The following MIS18A variants were observed in gnomAD, a reference collection of about 807,000 sequenced individuals.
MIS18A encodes the protein MIS18 kinetochore protein A.
In MIS18A, 14 loss-of-function variants were observed where a neutral mutation model predicts 25.0. The ratio of observed to expected loss-of-function variants is 0.56; its 90% CI spans 0.37 to 0.88. The LOEUF is 0.88. Ranked by LOEUF, MIS18A falls within the 40% of genes least tolerant of loss-of-function variation. The probability of loss-of-function intolerance (pLI) is 0.00; values close to 1 mark genes in which losing one functional copy is unlikely to be tolerated. For synonymous variants in MIS18A, 134 were observed against 118.6 expected (o/e 1.13, Z -0.84); for missense variants, 292 against 290.8 (o/e 1.00, Z -0.03).
At chr21:32,273,495 A>G (rs1569015104) in intron 2 of MIS18A, among the ~76,000 whole-genome samples, 1 of 152,140 alleles carries the variant, frequency 6.6e-6, no homozygotes, top group African/African-American at 2.4e-5. Context: ...AGAGATTCCA[A>G]GCATCTTAGA....
the MIS18A span, among the ~76,000 whole-genome samples, chr21:32,155,954 A>G: frequency 1.3e-5 from 2 of 150,512 alleles, no homozygotes; most frequent in Non-Finnish European, 2.9e-5. Flanking sequence ...ATTGTTAGGA[A>G]AAAAAAAACT....
the MIS18A span, among the ~76,000 whole-genome samples, chr21:32,156,129 A>G: frequency 2.6e-5 from 4 of 152,172 alleles, no homozygotes; most frequent in Non-Finnish European, 5.9e-5. Flanking sequence ...TTTGAAAACG[A>G]GATGTTTGCT....
chr21:32,168,214 T>C, the MIS18A span, among the ~76,000 whole-genome samples: 1 of 152,230 alleles, frequency 6.6e-6, no homozygotes, highest in South Asian at 2.1e-4. Flanking sequence ...CTTGATCTCA[T>C]ACTTGCTGGC....
chr21:32,221,021 T>C, the MIS18A span, among the ~76,000 whole-genome samples: 1 of 151,994 alleles, frequency 6.6e-6, no homozygotes, highest in East Asian at 1.9e-4. Context: ...TACCTGAAAG[T>C]GATGGGGAGA....
At chr21:32,226,207 C>A in the MIS18A span, among the ~76,000 whole-genome samples, 1 of 143,516 alleles carries the variant, frequency 7.0e-6, no homozygotes, top group East Asian at 2.0e-4. Context: ...GTGCAGCACA[C>A]CAGCATGGCA....
the MIS18A span, among the ~76,000 whole-genome samples, chr21:32,229,012 C>T: frequency 6.6e-6 from 1 of 152,038 alleles, no homozygotes; most frequent in Non-Finnish European, 1.5e-5. Context: ...CACAAGCAAT[C>T]TAGTTTTTTT....
chr21:32,242,836 T>C, the MIS18A span, among the ~76,000 whole-genome samples: 1 of 152,160 alleles, frequency 6.6e-6, no homozygotes, highest in Non-Finnish European at 1.5e-5. Flanking sequence ...CTGGTAATGT[T>C]TTAAAACACT....
At chr21:32,263,806 TC>T (rs1395624343), downstream of MIS18A, among the ~76,000 whole-genome samples, 5 of 149,366 alleles carry the variant, frequency 3.3e-5, no homozygotes, top group Non-Finnish European at 5.9e-5. Flanking sequence ...GGGGAAGCCT[TC>T]TTTTTTTTTT....
Position 32,278,800 on chromosome 21 carries a change from T to G in MIS18A, c.215A>C (p.Glu72Ala), listed in dbSNP as rs980253859. The part of the protein sequence containing the change: ...ADMERAQLEE[E>A]AAAAEERPLV... ...CGGCCTCTCCTCCGCAGCCGCCGCC[T>G]CCTCCTCCAGCTGCGCCCTCTCCAT... The change falls in exon 1 of 5, where the codon GAG (glutamate) becomes GCG (alanine). Residue 72 changes from glutamate (E) to alanine (A), a missense_variant. Coordinates refer to ENST00000290130, the MANE Select transcript of MIS18A (RefSeq NM_018944.3). 32 of 1,589,702 alleles carry G rather than the reference T, an allele frequency of 2.0e-5. No individual in the cohort carries two copies. Among genetic ancestry groups the G allele is most frequent in the Non-Finnish European group, 2.4e-5 (28 of 1,171,228 alleles).
chr21:32,205,097 CTTTTTTTTTTTTTTT>C, the MIS18A span, among the ~76,000 whole-genome samples: 36 of 66,184 alleles, frequency 5.4e-4, no homozygotes, highest in Non-Finnish European at 7.3e-4. Context: ...AGAACTTGTC[CTTTTTTTTTTTTTTT>C]TTTTTTTTTT....
chr21:32,183,883 G>A, the MIS18A span, among the ~76,000 whole-genome samples: 3 of 152,150 alleles, frequency 2.0e-5, no homozygotes, highest in Non-Finnish European at 2.9e-5. Context: ...GCAGTTCCTC[G>A]CAGACAATAT....
the MIS18A span, among the ~76,000 whole-genome samples, chr21:32,210,350 A>G: frequency 3.4e-4 from 52 of 152,266 alleles, 2 homozygotes; most frequent in African/African-American, 1.2e-3. Context: ...TAATACTATT[A>G]TTACCCTTAT....
At chr21:32,188,564 T>C in the MIS18A span, among the ~76,000 whole-genome samples, 12 of 152,010 alleles carry the variant, frequency 7.9e-5, 1 homozygote, top group Non-Finnish European at 8.8e-5. Flanking sequence ...GAAGAGAAAA[T>C]GAGGGTTATT....
the MIS18A span, among the ~76,000 whole-genome samples, chr21:32,199,081 C>T: frequency 1.3e-5 from 2 of 152,052 alleles, no homozygotes; most frequent in East Asian, 1.9e-4. Context: ...TGCAGCAAGG[C>T]GGGCATGGGG....
chr21:32,244,536 A>C, the MIS18A span, among the ~76,000 whole-genome samples: 2 of 152,192 alleles, frequency 1.3e-5, no homozygotes, highest in Non-Finnish European at 2.9e-5. Context: ...CGGGAAGTTG[A>C]GATCTGCCTG....
chr21:32,216,540 G>A, the MIS18A span, among the ~76,000 whole-genome samples: 3 of 152,206 alleles, frequency 2.0e-5, no homozygotes, highest in African/African-American at 7.2e-5. Context: ...CAAATAATAG[G>A]CCAACCAAAG....
intron 2 of MIS18A, among the ~76,000 whole-genome samples, chr21:32,274,432 T>G (rs1258744046): frequency 6.6e-6 from 1 of 152,084 alleles, no homozygotes; most frequent in Non-Finnish European, 1.5e-5. Context: ...CTCGAATTCC[T>G]GACCCCCCGG....
the MIS18A span, among the ~76,000 whole-genome samples, chr21:32,179,930 G>A: frequency 2.0e-5 from 3 of 152,176 alleles, no homozygotes; most frequent in African/African-American, 7.2e-5. Context: ...TAATTTCCAA[G>A]GTTAGTCCTT....
the MIS18A span, among the ~76,000 whole-genome samples, chr21:32,158,901 C>T: frequency 6.6e-6 from 1 of 152,196 alleles, no homozygotes; most frequent in African/African-American, 2.4e-5. Context: ...TCCTAAATAT[C>T]TCTCTTCCTT....
Sources: gnomAD v4.1 joint callset for allele counts (sites outside exome capture counted in the v4.1 genomes callset) on GRCh38, gnomAD v4.1.1 for gene constraint, MANE v1.5 for transcripts, NCBI Gene and HGNC (gene_info 2026-07-23, HGNC 2026-07-21) for gene names.